Variants in SHC4 observed in about 807,000 individuals in gnomAD.
The protein encoded by SHC4 is SHC-transforming protein 4.
A neutral mutation model predicts 69.4 loss-of-function variants in SHC4; 41 were observed. The observed-to-expected ratio is 0.59, with a 90% CI of 0.46 to 0.77. SHC4 has a LOEUF of 0.77. Among genes scored for constraint, SHC4 ranks in the 30% least tolerant of loss-of-function variants. The pLI, the probability that SHC4 is intolerant of heterozygous loss-of-function variation, is 0.00. For missense variants in SHC4, 777 were observed against 783.8 expected (o/e 0.99, Z 0.10); for synonymous variants, 318 against 299.3 (o/e 1.06, Z -0.64).
At chr15:48,835,076 T>C in intron 10 of SHC4, 54 bp from the exon 11 acceptor site, 1 of 1,537,306 alleles carries the variant, frequency 6.5e-7, no homozygotes, top group Non-Finnish European at 8.8e-7. Context: ...CATCCATCCA[T>C]TCATTCATTT....
At chr15:48,827,045 T>G (rs1898702222) in intron 11 of SHC4, among the ~76,000 whole-genome samples, 1 of 152,142 alleles carries the variant, frequency 6.6e-6, no homozygotes, top group South Asian at 2.1e-4. Context: ...AGCTGTACAT[T>G]ACTATCCATT....
At chr15:48,887,936 A>G (rs1313975455) in intron 3 of SHC4, among the ~76,000 whole-genome samples, 1 of 152,220 alleles carries the variant, frequency 6.6e-6, no homozygotes, top group Non-Finnish European at 1.5e-5. Context: ...ACCTATCAAG[A>G]TGAAATCATA....
At chr15:48,838,279 T>C (rs1015230930) in intron 10 of SHC4, among the ~76,000 whole-genome samples, 32 of 152,350 alleles carry the variant, frequency 2.1e-4, no homozygotes, top group African/African-American at 5.5e-4. Context: ...CATTGGGTGA[T>C]TGAAAATTTT....
At chr15:48,907,840 G>GTGTGTGTGTGTA (rs763689321) in intron 2 of SHC4, among the ~76,000 whole-genome samples, 2 of 142,196 alleles carry the variant, frequency 1.4e-5, no homozygotes, top group African/African-American at 5.3e-5. Flanking sequence ...GTGTGTGTGT[G>GTGTGTGTGTGTA]TATATATATA....
At chr15:48,830,392 T>G (rs931530646) in intron 11 of SHC4, among the ~76,000 whole-genome samples, 2 of 152,228 alleles carry the variant, frequency 1.3e-5, no homozygotes, top group Admixed American at 1.3e-4. Flanking sequence ...CATTAACATA[T>G]TTTATAGTTA....
chr15:48,835,405 A>G (rs1166628100), intron 10 of SHC4, among the ~76,000 whole-genome samples: 3 of 152,296 alleles, frequency 2.0e-5, no homozygotes, highest in East Asian at 1.9e-4. Flanking sequence ...AATTTCTACA[A>G]TGTTTCCAAA....
intron 1 of SHC4, among the ~76,000 whole-genome samples, chr15:48,943,959 GT>G (rs1901226004): frequency 6.6e-6 from 1 of 151,958 alleles, no homozygotes; most frequent in African/African-American, 2.4e-5. Flanking sequence ...TTGGGGATCT[GT>G]TAGTAAGGTA....
chr15:48,887,058 T>C (rs1163660077), intron 3 of SHC4, among the ~76,000 whole-genome samples: 1 of 152,210 alleles, frequency 6.6e-6, no homozygotes, highest in Non-Finnish European at 1.5e-5. Context: ...TCGCATAGTC[T>C]CTCAGGAACC....
At chr15:48,920,935 AAGG>A (rs1900740744) in intron 2 of SHC4, among the ~76,000 whole-genome samples, 1 of 151,882 alleles carries the variant, frequency 6.6e-6, no homozygotes, top group Non-Finnish European at 1.5e-5. Flanking sequence ...GAAGAAGAAG[AAGG>A]AGGAGAAGGA....
chr15:48,878,126 C>G, intron 4 of SHC4: 1 of 1,509,170 alleles, frequency 6.6e-7, no homozygotes, highest in Admixed American at 2.3e-5. Context: ...CACGGCCGCG[C>G]AGCATCTGTC....
At position 48,839,687 on chromosome 15, in the gene SHC4, C is replaced by T. The variant is rs139457233; in HGVS notation, c.1483+3722G>A. 1.6e-3 allele frequency among the ~76,000 whole-genome samples: 248 copies of T among 152,264 alleles called. 2 individuals carry two copies. Among genetic ancestry groups the T allele is most frequent in the African/African-American group, 5.5e-3 (229 of 41,532 alleles). ...TGCAATTACCTTATTACTTTTCCCC[C>T]GCTAATTTGGGGTATGGAGGGTGGC... is the stretch of plus-strand genomic sequence containing the variant. On this transcript the variant is annotated intron_variant, in intron 10 of 11. Coordinates refer to ENST00000332408, the MANE Select transcript of SHC4 (RefSeq NM_203349.4).
chr15:48,835,720 A>G (rs1898886248), intron 10 of SHC4, among the ~76,000 whole-genome samples: 1 of 152,180 alleles, frequency 6.6e-6, no homozygotes, highest in South Asian at 2.1e-4. Flanking sequence ...AGCACTGGGG[A>G]TGGGAAGGGA....
At chr15:48,933,620 C>T (rs937456741) in intron 1 of SHC4, among the ~76,000 whole-genome samples, 1 of 152,132 alleles carries the variant, frequency 6.6e-6, no homozygotes, top group African/African-American at 2.4e-5. Flanking sequence ...AATTTCCTGA[C>T]ATTCATCTGT....
At chr15:48,942,235 C>T (rs1901188805) in intron 1 of SHC4, among the ~76,000 whole-genome samples, 1 of 152,086 alleles carries the variant, frequency 6.6e-6, no homozygotes, top group African/African-American at 2.4e-5. Context: ...CACTATTTGT[C>T]CCAACCCCTT....
intron 2 of SHC4, among the ~76,000 whole-genome samples, chr15:48,923,058 CA>C (rs1320063962): frequency 6.6e-6 from 1 of 151,840 alleles, no homozygotes; most frequent in Non-Finnish European, 1.5e-5. Context: ...ACCAAGAGTA[CA>C]AAAAACAGGA....
intron 1 of SHC4, among the ~76,000 whole-genome samples, chr15:48,936,396 G>C (rs1901071237): frequency 1.3e-5 from 2 of 152,186 alleles, no homozygotes; most frequent in African/African-American, 4.8e-5. Flanking sequence ...CAAGTCAAAA[G>C]GCAGGGTTGT....
At chr15:48,856,264 T>C in intron 7 of SHC4, 140 bp from the exon 8 acceptor site, 2 of 777,338 alleles carry the variant, frequency 2.6e-6, no homozygotes, top group Non-Finnish European at 4.0e-6. Context: ...TTAAGTGATG[T>C]TAAACATTTG....
intron 5 of SHC4, 83 bp from the exon 6 acceptor site, chr15:48,867,952 G>A (rs1372077227): frequency 3.7e-6 from 4 of 1,092,096 alleles, no homozygotes; most frequent in East Asian, 2.4e-5. Context: ...ATGATACTGA[G>A]GCAAGGACTC....
intron 4 of SHC4, chr15:48,878,190 C>CT (rs772938908): frequency 1.9e-6 from 3 of 1,559,506 alleles, no homozygotes; most frequent in Middle Eastern, 1.7e-4. Flanking sequence ...TCGGAAATGG[C>CT]TGAGTTGTCC....
Sources: gnomAD v4.1 joint callset for allele counts (sites outside exome capture counted in the v4.1 genomes callset) on GRCh38, gnomAD v4.1.1 for gene constraint, MANE v1.5 for transcripts, NCBI Gene and HGNC (gene_info 2026-07-23, HGNC 2026-07-21) for gene names.